Variants in LIN7A observed in about 807,000 individuals in gnomAD.
LIN7A encodes the protein protein lin-7 homolog A.
LIN7A carries 25 observed loss-of-function variants against 29.8 expected under a neutral mutation model. The observed-to-expected ratio is 0.84, with a 90% CI of 0.61 to 1.17. The LOEUF (loss-of-function observed/expected upper bound fraction) is 1.17, where lower values mean the gene tolerates loss of function less well. Ranked by LOEUF, LIN7A falls within the 50% of genes most tolerant of loss-of-function variation. The probability of loss-of-function intolerance (pLI) is 0.00; values close to 1 mark genes in which losing one functional copy is unlikely to be tolerated. For synonymous variants in LIN7A, 118 were observed against 107.5 expected, an observed-to-expected ratio of 1.10 and a Z score of -0.60; for missense variants, 239 against 287.0, an observed-to-expected ratio of 0.83 and a Z score of 1.21.
intron 4 of LIN7A, among the ~76,000 whole-genome samples, chr12:80,829,052 G>A (rs1217915135): frequency 6.6e-6 from 1 of 152,080 alleles, no homozygotes; most frequent in African/African-American, 2.4e-5. Context: ...CATCCCATAA[G>A]GATCATGAGA....
chr12:80,873,143 AAGC>A (rs1874505202), intron 2 of LIN7A, among the ~76,000 whole-genome samples: 1 of 152,080 alleles, frequency 6.6e-6, no homozygotes, highest in South Asian at 2.1e-4. Flanking sequence ...AAGAGGTGTG[AAGC>A]AATCGTTAGG....
chr12:80,888,802 A>G (rs1326458601), intron 2 of LIN7A, among the ~76,000 whole-genome samples: 1 of 152,174 alleles, frequency 6.6e-6, no homozygotes, highest in Non-Finnish European at 1.5e-5. Flanking sequence ...CTAGAAAGGC[A>G]TACCAGCCTA....
At chr12:80,874,754 C>T (rs2120525573) in intron 2 of LIN7A, among the ~76,000 whole-genome samples, 1 of 152,280 alleles carries the variant, frequency 6.6e-6, no homozygotes, top group Admixed American at 6.5e-5. Flanking sequence ...GAGACTGAGG[C>T]AGGCGGATCA....
intron 2 of LIN7A, among the ~76,000 whole-genome samples, chr12:80,859,169 G>A (rs1873746589): frequency 6.6e-6 from 1 of 152,104 alleles, no homozygotes; most frequent in Admixed American, 6.5e-5. Context: ...CGTTAATACT[G>A]CATCATAAAT....
chr12:80,916,711 G>A (rs1224457737), intron 1 of LIN7A, among the ~76,000 whole-genome samples: 2 of 152,206 alleles, frequency 1.3e-5, no homozygotes, highest in African/African-American at 4.8e-5. Context: ...TGCTTTGGAA[G>A]TAAAAGCAGA....
intron 2 of LIN7A, among the ~76,000 whole-genome samples, chr12:80,863,350 T>C (rs977523772): frequency 3.9e-5 from 6 of 152,190 alleles, no homozygotes; most frequent in South Asian, 2.1e-4. Context: ...ACTTTGTTTA[T>C]AGAGGTAGAG....
intron 1 of LIN7A, among the ~76,000 whole-genome samples, chr12:80,890,853 C>T (rs1039823433): frequency 6.6e-6 from 1 of 152,112 alleles, no homozygotes; most frequent in African/African-American, 2.4e-5. Context: ...GCCATGATTG[C>T]ACTACTGGAC....
chr12:80,820,657 A>ACACACACACACACACACC (rs1555222253), intron 4 of LIN7A, among the ~76,000 whole-genome samples: 2 of 151,768 alleles, frequency 1.3e-5, no homozygotes, highest in Non-Finnish European at 2.9e-5. Context: ...ACACACACAC[A>ACACACACACACACACACC]CCCATCTTCA....
chr12:80,853,842 CCA>C (rs942080531), intron 2 of LIN7A, among the ~76,000 whole-genome samples: 1 of 152,108 alleles, frequency 6.6e-6, no homozygotes, highest in African/African-American at 2.4e-5. Flanking sequence ...CAGCCGTCCA[CCA>C]CCATGCCCAG....
chr12:80,823,527 G>A (rs1324001605), intron 4 of LIN7A, among the ~76,000 whole-genome samples: 6 of 152,208 alleles, frequency 3.9e-5, no homozygotes, highest in Non-Finnish European at 8.8e-5. Context: ...TGCAGTGGCT[G>A]GACTCCATGC....
chr12:80,837,846 A>C (rs564031524), intron 4 of LIN7A, among the ~76,000 whole-genome samples: 8 of 151,924 alleles, frequency 5.3e-5, no homozygotes, highest in South Asian at 4.2e-4. Context: ...CATCCTCATC[A>C]TCATCATCAT....
chr12:80,900,609 C>T (rs939502065), intron 1 of LIN7A, among the ~76,000 whole-genome samples: 5 of 151,932 alleles, frequency 3.3e-5, no homozygotes, highest in Non-Finnish European at 7.4e-5. Context: ...TTTTATTGTT[C>T]TGTGGTCTGA....
intron 2 of LIN7A, among the ~76,000 whole-genome samples, chr12:80,886,585 C>T (rs892026387): frequency 4.6e-5 from 7 of 151,994 alleles, no homozygotes; most frequent in Non-Finnish European, 8.8e-5. Flanking sequence ...TCCTGTATAA[C>T]GTGCATTGCC....
At chr12:80,842,651 T>C (rs1032787658) in intron 4 of LIN7A, among the ~76,000 whole-genome samples, 5 of 152,036 alleles carry the variant, frequency 3.3e-5, no homozygotes, top group African/African-American at 1.2e-4. Context: ...TTAAATATTG[T>C]TACCTGCCTA....
chr12:80,894,514 C>T (rs1875784613), intron 1 of LIN7A, among the ~76,000 whole-genome samples: 1 of 152,070 alleles, frequency 6.6e-6, no homozygotes, highest in East Asian at 1.9e-4. Flanking sequence ...TTATGCATTG[C>T]TTATTTCTAG....
At chr12:80,829,843 C>T (rs1872260295) in intron 4 of LIN7A, among the ~76,000 whole-genome samples, 1 of 152,188 alleles carries the variant, frequency 6.6e-6, no homozygotes, top group South Asian at 2.1e-4. Flanking sequence ...ATCTGTGTTT[C>T]TCTCACTAAA....
At position 80,807,083 on chromosome 12, in the gene LIN7A, T is replaced by TTTTTGTTGTTTTTG. The variant is rs1555221410; in HGVS notation, c.*4381_*4382insCAAAAACAACAAAA. Among the ~76,000 whole-genome samples the TTTTTGTTGTTTTTG allele has an allele frequency of 2.9e-4, 40 of 137,206 alleles. 1 individual carries two copies. Among genetic ancestry groups the TTTTTGTTGTTTTTG allele is most frequent in the Non-Finnish European group, 5.2e-4 (33 of 63,690 alleles). The allele number at this position is 137,206 out of a possible 152,430, so 90.0% of individuals were successfully genotyped here. On this transcript the variant is annotated intron_variant, in intron 5 of 5. Coordinates refer to ENST00000552864, the MANE Select transcript of LIN7A (RefSeq NM_004664.4). ...ATGGAGTTTTTTTTTTTTTTTTTTT[T>TTTTTGTTGTTTTTG]TTTTTTTTGACGGAGTCTCGCTCTG...
rs187855330 is a variant in LIN7A, at chr12:80,868,115, C to T, written c.202-19793G>A. On this transcript the variant is annotated intron_variant, in intron 2 of 5. Coordinates refer to ENST00000552864, the MANE Select transcript of LIN7A (RefSeq NM_004664.4). ...GCAACTTGACTGCACCTTGGTAGCACTTCTTTTACTGATAATGTTTAAGTT... is the reference window on the plus strand; with the variant it reads ...GCAACTTGACTGCACCTTGGTAGCATTTCTTTTACTGATAATGTTTAAGTT... Among the ~76,000 whole-genome samples, 9 of 152,300 alleles carry T rather than the reference C, an allele frequency of 5.9e-5. No individual in the cohort carries two copies. The East Asian group carries it at 1.7e-3, about 29-fold the overall frequency.
chr12:80,876,242 G>T (rs947721855), intron 2 of LIN7A, among the ~76,000 whole-genome samples: 2 of 151,976 alleles, frequency 1.3e-5, no homozygotes, highest in Non-Finnish European at 2.9e-5. Flanking sequence ...TCTCACAGAT[G>T]AGTTAAATAG....
Sources: allele counts gnomAD v4.1 joint callset (sites outside exome capture counted in the v4.1 genomes callset), GRCh38; gene constraint gnomAD v4.1.1; transcripts MANE v1.5; gene names NCBI Gene and HGNC (gene_info 2026-07-23, HGNC 2026-07-21).